The following GBA2 variants were observed in gnomAD, a reference collection of about 807,000 sequenced individuals.
GBA2 encodes glucosylceramidase beta 2, also known as non-lysosomal glucosylceramidase.
A neutral mutation model predicts 112.9 loss-of-function variants in GBA2; 79 were observed. The ratio of observed to expected loss-of-function variants is 0.70; its 90% CI spans 0.58 to 0.84. The LOEUF is 0.84. Among genes scored for constraint, GBA2 ranks in the 40% least tolerant of loss-of-function variants. GBA2 has a pLI of 0.00. For missense variants in GBA2, 1,043 were observed against 1,190.0 expected (o/e 0.88, Z 1.82); for synonymous variants, 403 against 434.3 (o/e 0.93, Z 0.90).
rs1219431201 is a variant in GBA2 at position 35,739,953 on chromosome 9, G to C, written c.1409+45C>G. The C allele has an allele frequency of 2.5e-6, 4 of 1,609,332 alleles. No individual in the cohort carries two copies. In the African/African-American group the frequency reaches 5.3e-5, roughly 21 times the overall value. On this transcript the variant is annotated intron_variant, in intron 8 of 16. Coordinates refer to ENST00000378103, the MANE Select transcript of GBA2 (RefSeq NM_020944.3). ...AGAGTAAATCGAGGAGTCCCATTTG[G>C]AGTGAGTGCCCAGGAGAAAGGCAAG...
In GBA2 at chr9:35,737,235, G is replaced by A. The variant is rs777255160; in HGVS notation, c.2718C>T (p.Gly906=). The part of the protein sequence containing the change: ...KKASWPKVKQ[G]TGLRTGPMFG... ...ACATAGGCCCTGTCCTTAGTCCTGT[G>A]CCCTGTTTGACTTTTGGCCAGGAGG... is the stretch of plus-strand genomic sequence containing the variant. Residue 906 remains glycine, a synonymous_variant, in exon 17 of 17, where the codon GGC becomes GGT. Transcript: ENST00000378103. This position sits in a 1 kb window ranked among gnomAD's most constrained non-coding sequence, Gnocchi z 4.1. 5 of 1,613,442 alleles carry A rather than the reference G, an allele frequency of 3.1e-6. No individual in the cohort carries two copies. Among genetic ancestry groups the A allele is most frequent in the Non-Finnish European group, 4.2e-6 (5 of 1,180,034 alleles).
rs959651252 is a variant in GBA2 at position 35,741,589 on chromosome 9, C to T, written c.786+83G>A. On this transcript the variant is annotated intron_variant, in intron 4 of 16. Coordinates refer to ENST00000378103, the MANE Select transcript of GBA2 (RefSeq NM_020944.3). This position sits in a 1 kb window ranked among gnomAD's most constrained non-coding sequence, Gnocchi z 4.6. Reference sequence around the variant, plus strand: ...TTGGGATTACAGGCGTGAGCTACCGCGCCTCGCAGGCCATGCAGTTTCTAG... The same window carrying T: ...TTGGGATTACAGGCGTGAGCTACCGTGCCTCGCAGGCCATGCAGTTTCTAG... 30 of 926,676 alleles carry T rather than the reference C, an allele frequency of 3.2e-5. No homozygotes were observed. The highest frequency in any genetic ancestry group is 2.6e-4 in the African/African-American group (16 of 61,806). 57.4% of individuals were successfully genotyped at this position (926,676 alleles called of 1,614,324 possible). A position where few individuals can be genotyped will look rare whatever the true frequency, so the allele number is the denominator to read the frequency against.
rs762597578 is a variant in GBA2 at position 35,739,743 on chromosome 9, A to G, written c.1467T>C (p.Asp489=). The change falls in exon 9 of 17, where the codon GAT becomes GAC. Residue 489 remains aspartate (D), a synonymous_variant. Transcript: ENST00000378103. ...ALFNELYFLA[D]GGTVWLEVLE... The stretch of plus-strand genomic sequence containing the variant: ...GAACTTCCAGCCACACTGTGCCTCC[A>G]TCAGCCAGGAAGTATAGTTCATTGA... The G allele has an allele frequency of 2.5e-6, 4 of 1,613,984 alleles. No individual in the cohort carries two copies. In the Admixed American group the frequency reaches 6.7e-5, roughly 27 times the overall value.
intron 3 of GBA2, among the ~76,000 whole-genome samples, chr9:35,742,363 C>G (rs1346032623): frequency 6.6e-6 from 1 of 152,190 alleles, no homozygotes; most frequent in Non-Finnish European, 1.5e-5. Flanking sequence ...AAAACACTCA[C>G]TGTTCCTTGA....
chr9:35,740,887 G>GC lies in GBA2; in HGVS notation c.963dup (p.Leu322AlafsTer33). 6.2e-7 allele frequency: 1 copy of GC among 1,613,924 alleles called. No homozygotes were observed. The highest frequency in any genetic ancestry group is 2.2e-5 in the East Asian group (1 of 44,882). ...GGAAGGGTTGGATGATGCAGGAGCA[G>GC]CCCCCGGACAGTTTCCCCGCTACGC... On this transcript the variant is annotated frameshift_variant, in exon 5 of 17. Transcript: ENST00000378103. LOFTEE classifies it high-confidence loss of function. The surrounding 1 kb of genome is among the most constrained non-coding windows in gnomAD (Gnocchi z 4.7).
In GBA2 at chr9:35,746,251, G is replaced by A. The variant is rs1053494944; in HGVS notation, c.360-1545C>T. Among the ~76,000 whole-genome samples, 3 of 152,186 alleles carry A rather than the reference G, an allele frequency of 2.0e-5. No homozygotes were observed. The highest frequency in any genetic ancestry group is 7.2e-5 in the African/African-American group (3 of 41,444). On this transcript the variant is annotated intron_variant, in intron 1 of 16. Transcript: ENST00000378103. The surrounding 1 kb of genome is among the most constrained non-coding windows in gnomAD (Gnocchi z 5.2). ...TGAACATACAAATGATGGGGCACAA[G>A]AGAGATAACAGACTGGAGCAGAGGA... is the stretch of plus-strand genomic sequence containing the variant.
Position 35,741,191 on chromosome 9 carries a change from A to T in GBA2, c.787-127T>A. ...TCCCCAGTGTACTCTTCTTTTGTCC[A>T]CTTGCATCTCCCCATATTCCCAGGC... On this transcript the variant is annotated intron_variant, in intron 4 of 16. Transcript: ENST00000378103. The surrounding 1 kb of genome is among the most constrained non-coding windows in gnomAD (Gnocchi z 4.6). The T allele has an allele frequency of 1.0e-6, 1 of 993,974 alleles. No homozygotes were observed. The highest frequency in any genetic ancestry group is 1.5e-6 in the Non-Finnish European group (1 of 678,166). 61.6% of individuals were successfully genotyped at this position (993,974 alleles called of 1,614,324 possible). A position where few individuals can be genotyped will look rare whatever the true frequency, so the allele number is the denominator to read the frequency against.
chr9:35,739,666 G>T lies in GBA2; in HGVS notation c.1544C>A (p.Pro515His), dbSNP rs1432515986. The T allele has an allele frequency of 1.9e-6, 3 of 1,614,110 alleles. No homozygotes were observed. The highest frequency in any genetic ancestry group is 2.2e-5 in the South Asian group (2 of 91,078). The change falls in exon 9 of 17, where the codon CCC (proline) becomes CAC (histidine). Residue 515 changes from proline to histidine, a missense_variant. By Grantham distance (77) the Pro-to-His change is moderately conservative (BLOSUM62 -2). Coordinates refer to ENST00000378103, the MANE Select transcript of GBA2 (RefSeq NM_020944.3). ...ELGRNMCHLR[P>H]TLRDYGRFGY... ...AAATCGACCGTAGTCCCGTAGGGTG[G>T]GGCGGAGGTGACACATGTTTCTGCC...
rs550598001 is a variant in GBA2, at chr9:35,741,119, C to T, written c.787-55G>A. ...CCCAGTAGAGCGCCTCCTGACCCCA[C>T]TCTGCTAGGATCAGTCCTGGGCACA... On this transcript the variant is annotated intron_variant, in intron 4 of 16. Transcript: ENST00000378103. This position sits in a 1 kb window ranked among gnomAD's most constrained non-coding sequence, Gnocchi z 4.6. 7 of 1,598,522 alleles carry T rather than the reference C, an allele frequency of 4.4e-6. No individual in the cohort carries two copies. The African/African-American group carries it at 9.3e-5, about 21-fold the overall frequency.
Position 35,738,817 on chromosome 9 carries a change from C to G in GBA2, c.1882G>C (p.Val628Leu), listed in dbSNP as rs371925764. 12 of 1,614,126 alleles carry G rather than the reference C, an allele frequency of 7.4e-6. No individual in the cohort carries two copies. The highest frequency in any genetic ancestry group is 9.3e-6 in the Non-Finnish European group (11 of 1,179,956). ...CCCGTGAGGTAATAGTCCCGATAAA[C>G]CTGCAGCACAAACTTCAGGTTCAGG... is the stretch of plus-strand genomic sequence containing the variant. The part of the protein sequence containing the change: ...KDLNLKFVLQ[V>L]YRDYYLTGDQ... Residue 628 changes from valine to leucine, a missense_variant, in exon 12 of 17, where the codon GTT (valine) becomes CTT (leucine). Transcript: ENST00000378103.
chr9:35,738,925 G>A (rs369399126), intron 11 of GBA2, 22 bp from the exon 12 acceptor site: 153 of 1,613,404 alleles, frequency 9.5e-5, no homozygotes, highest in Non-Finnish European at 1.2e-4. Context: ...GAGGGGACTT[G>A]GGTCACTTGC....
intron 1 of GBA2, among the ~76,000 whole-genome samples, chr9:35,747,142 A>AC (rs1020723796): frequency 1.3e-5 from 2 of 151,692 alleles, no homozygotes; most frequent in African/African-American, 4.8e-5. Context: ...TTGTATCAGT[A>AC]CCCCCCACTC....
intron 12 of GBA2, 53 bp from the exon 13 acceptor site, chr9:35,738,685 C>T (rs1826416436): frequency 6.9e-6 from 11 of 1,602,492 alleles, no homozygotes; most frequent in Non-Finnish European, 9.4e-6. Flanking sequence ...AGGCAACAAC[C>T]AGCTAGGCTC....
chr9:35,747,056 A>G (rs1279121599), intron 1 of GBA2, among the ~76,000 whole-genome samples: 1 of 151,984 alleles, frequency 6.6e-6, no homozygotes, highest in Non-Finnish European at 1.5e-5. Context: ...TTCAACCTCA[A>G]CTCAAGAGTT....
At position 35,737,472 on chromosome 9, in the gene GBA2, C is replaced by T. The variant is rs761524109; in HGVS notation, c.2506-25G>A. 2 of 1,609,370 alleles carry T rather than the reference C, an allele frequency of 1.2e-6. No homozygotes were observed. The highest frequency in any genetic ancestry group is 1.7e-6 in the Non-Finnish European group (2 of 1,177,722). On this transcript the variant is annotated intron_variant, in intron 16 of 16. Transcript: ENST00000378103. The surrounding 1 kb of genome is among the most constrained non-coding windows in gnomAD (Gnocchi z 4.1). ...CCTGTTGGGAGAGATGACAGTCATA[C>T]ATACTAACTTGGCACCCTCTGAAGA...
At chr9:35,739,920 G>C in intron 8 of GBA2, 78 bp downstream of exon 8, 1 of 1,574,406 alleles carries the variant, frequency 6.4e-7, no homozygotes, top group Non-Finnish European at 8.7e-7. Context: ...ACTGACTTTG[G>C]TGGGTGGAGA....
chr9:35,744,728 G>C, intron 1 of GBA2, 22 bp from the exon 2 acceptor site: 1 of 1,349,718 alleles, frequency 7.4e-7, no homozygotes, highest in Non-Finnish European at 1.1e-6. Flanking sequence ...GAGGCAATGT[G>C]AGTGGAAGGG....
Position 35,748,758 on chromosome 9 carries a change from T to TGGA in GBA2, c.-55_-54insTCC. The TGGA allele has an allele frequency of 8.8e-7, 1 of 1,138,984 alleles. No individual in the cohort carries two copies. The highest frequency in any genetic ancestry group is 1.2e-6 in the Non-Finnish European group (1 of 802,116). 70.6% of individuals were successfully genotyped at this position (1,138,984 alleles called of 1,614,324 possible). ...TCGGATACTAAGTATCTCGCCAGCC[T>TGGA]ATTCCAGATGCGGGCGCCGGTCGTT... is the stretch of plus-strand genomic sequence containing the variant. On this transcript the variant is annotated 5_prime_UTR_variant, in exon 1 of 17. Coordinates refer to ENST00000378103, the MANE Select transcript of GBA2 (RefSeq NM_020944.3).
At chr9:35,747,471 G>C (rs1002844291) in intron 1 of GBA2, among the ~76,000 whole-genome samples, 3 of 152,130 alleles carry the variant, frequency 2.0e-5, no homozygotes, top group Non-Finnish European at 4.4e-5. Flanking sequence ...CCAGGGCTAG[G>C]GTTAGATAAC....
Sources: allele counts gnomAD v4.1 joint callset (sites outside exome capture counted in the v4.1 genomes callset), GRCh38; gene constraint gnomAD v4.1.1; non-coding constraint Gnocchi (gnomAD v3.1); transcripts MANE v1.5; gene names NCBI Gene and HGNC (gene_info 2026-07-23, HGNC 2026-07-21).